The following MACROD2 variants were observed in gnomAD, a reference collection of about 807,000 sequenced individuals.
MACROD2 encodes the protein ADP-ribose glycohydrolase MACROD2.
Under a neutral mutation model 70.4 loss-of-function variants are expected in MACROD2, and 36 were observed. The ratio of observed to expected loss-of-function variants is 0.51; its 90% CI spans 0.39 to 0.68. MACROD2 has a LOEUF of 0.68. Ranked by LOEUF, MACROD2 falls within the 30% of genes least tolerant of loss-of-function variation. The probability of loss-of-function intolerance (pLI) is 0.00; values close to 1 mark genes in which losing one functional copy is unlikely to be tolerated. For missense variants in MACROD2, 496 were observed against 538.4 expected (o/e 0.92, Z 0.78); for synonymous variants, 172 against 178.8 (o/e 0.96, Z 0.30).
At chr20:15,492,208 A>G (rs1181630880) in intron 7 of MACROD2, among the ~76,000 whole-genome samples, 1 of 152,000 alleles carries the variant, frequency 6.6e-6, no homozygotes, top group Admixed American at 6.6e-5. Context: ...CCTTCAGCTC[A>G]TTTCTCTCAA....
chr20:15,572,854 C>T (rs1195453249), intron 8 of MACROD2, among the ~76,000 whole-genome samples: 1 of 152,052 alleles, frequency 6.6e-6, no homozygotes, highest in Non-Finnish European at 1.5e-5. Flanking sequence ...CAGGAGGAAA[C>T]TTCATCTGAG....
At position 14,055,701 on chromosome 20, in the gene MACROD2, AC is replaced by A. The variant is rs1169880367; in HGVS notation, c.164-29917del. On this transcript the variant is annotated intron_variant, in intron 2 of 17. Transcript: ENST00000684519. ...TCAACATATACCAGCTGTCTCTTCC[AC>A]CCTCTTCTCCCCAACATTGCTGAGA... Among the ~76,000 whole-genome samples the A allele has an allele frequency of 1.5e-4, 22 of 149,678 alleles. No homozygotes were observed. The East Asian group carries it at 4.3e-3, about 30-fold the overall frequency.
Position 15,080,872 on chromosome 20 carries a change from C to T in MACROD2, c.419-149068C>T, listed in dbSNP as rs532636331. On this transcript the variant is annotated intron_variant, in intron 5 of 17. Coordinates refer to ENST00000684519, the MANE Select transcript of MACROD2 (RefSeq NM_001351661.2). ...TTATGCTTTACTTTTCTCCCTCTGT[C>T]TCTTCCTCTGTATCTCTTCTTTCTC... 1.7e-3 allele frequency among the ~76,000 whole-genome samples: 252 copies of T among 152,286 alleles called. 2 individuals carry two copies. The highest frequency in any genetic ancestry group is 5.6e-3 in the African/African-American group (231 of 41,572).
chr20:15,263,514 G>A (rs1396275427), intron 6 of MACROD2, among the ~76,000 whole-genome samples: 1 of 151,730 alleles, frequency 6.6e-6, no homozygotes, highest in Admixed American at 6.6e-5. Context: ...GTGATTCTGG[G>A]TCTTTTTTGG....
intron 4 of MACROD2, among the ~76,000 whole-genome samples, chr20:14,555,657 T>C (rs1600380706): frequency 2.0e-5 from 3 of 152,036 alleles, no homozygotes; most frequent in South Asian, 4.1e-4. Flanking sequence ...TCTCATAAAA[T>C]AGCACATCCA....
intron 2 of MACROD2, among the ~76,000 whole-genome samples, chr20:14,049,592 A>AG (rs2148647355): frequency 2.7e-5 from 4 of 150,374 alleles, no homozygotes; most frequent in Middle Eastern, 3.4e-3. Context: ...AAAAAAAAAA[A>AG]AAATACAAAA....
At chr20:14,897,406 G>A (rs1025168213) in intron 5 of MACROD2, among the ~76,000 whole-genome samples, 1 of 152,038 alleles carries the variant, frequency 6.6e-6, no homozygotes, top group Admixed American at 6.6e-5. Flanking sequence ...TTTACATGCA[G>A]AATTTGGTGA....
intron 7 of MACROD2, among the ~76,000 whole-genome samples, chr20:15,461,006 A>ATATATATATATATATATATATATTT: frequency 7.5e-5 from 5 of 66,996 alleles, no homozygotes; most frequent in Non-Finnish European, 1.6e-4. Flanking sequence ...ATATATATAT[A>ATATATATATATATATATATATATTT]TTTTTTTTTA....
chr20:14,420,358 C>T (rs2083861477), intron 3 of MACROD2, among the ~76,000 whole-genome samples: 2 of 152,054 alleles, frequency 1.3e-5, no homozygotes, highest in South Asian at 4.1e-4. Context: ...CCAATAGCTC[C>T]ACTTGTTCCA....
At chr20:14,932,717 G>A (rs758067760) in intron 5 of MACROD2, among the ~76,000 whole-genome samples, 64 of 152,126 alleles carry the variant, frequency 4.2e-4, no homozygotes, top group Non-Finnish European at 6.9e-4. Context: ...AGGTGCGTGT[G>A]CCACCATGCC....
At chr20:14,567,470 A>G (rs1200386091) in intron 4 of MACROD2, among the ~76,000 whole-genome samples, 16 of 152,082 alleles carry the variant, frequency 1.1e-4, no homozygotes, top group African/African-American at 2.4e-5. Flanking sequence ...TTAAAGGTCA[A>G]CAGATCTCAG....
At chr20:14,631,760 C>G (rs1203620998) in intron 4 of MACROD2, 4 of 151,996 alleles carry the variant, frequency 2.6e-5, no homozygotes, top group African/African-American at 9.7e-5. Flanking sequence ...GGCGACAGAG[C>G]GAGACTCCAT....
At chr20:15,348,048 C>T (rs1454280724) in intron 6 of MACROD2, among the ~76,000 whole-genome samples, 1 of 152,216 alleles carries the variant, frequency 6.6e-6, no homozygotes, top group Non-Finnish European at 1.5e-5. Flanking sequence ...ACAATCTTTC[C>T]ATCTACCTCT....
At chr20:15,730,678 C>T (rs984223068) in intron 8 of MACROD2, among the ~76,000 whole-genome samples, 5 of 151,664 alleles carry the variant, frequency 3.3e-5, no homozygotes, top group African/African-American at 4.8e-5. Context: ...ATAGTTCTCT[C>T]GTACCGTATC....
chr20:15,378,467 T>C (rs1371945943), intron 6 of MACROD2, among the ~76,000 whole-genome samples: 1 of 152,066 alleles, frequency 6.6e-6, no homozygotes, highest in Non-Finnish European at 1.5e-5. Context: ...AGTGATTGAA[T>C]GTATTGGAGT....
At chr20:15,359,586 G>C (rs1283350439) in intron 6 of MACROD2, among the ~76,000 whole-genome samples, 1 of 151,218 alleles carries the variant, frequency 6.6e-6, no homozygotes, top group Non-Finnish European at 1.5e-5. Flanking sequence ...CTCAAGACTT[G>C]GAAGATTTTA....
At chr20:15,061,355 G>T (rs1297750680) in intron 5 of MACROD2, among the ~76,000 whole-genome samples, 1 of 152,134 alleles carries the variant, frequency 6.6e-6, no homozygotes, top group Admixed American at 6.5e-5. Flanking sequence ...CATGCCCTTG[G>T]TGGCATCACT....
chr20:14,056,665 GTATAA>G (rs1053289578), intron 2 of MACROD2, among the ~76,000 whole-genome samples: 6 of 151,838 alleles, frequency 4.0e-5, no homozygotes, highest in African/African-American at 1.4e-4. Flanking sequence ...TCCATTTTTA[GTATAA>G]TATAATCAGA....
chr20:15,913,324 T>C (rs1410977414), intron 10 of MACROD2, among the ~76,000 whole-genome samples: 1 of 152,214 alleles, frequency 6.6e-6, no homozygotes, highest in Non-Finnish European at 1.5e-5. Flanking sequence ...AGAGTTTTGC[T>C]AGTTTCCCAG....
Sources: allele counts gnomAD v4.1 joint callset (sites outside exome capture counted in the v4.1 genomes callset), GRCh38; gene constraint gnomAD v4.1.1; transcripts MANE v1.5; gene names NCBI Gene and HGNC (gene_info 2026-07-23, HGNC 2026-07-21).